EP400: variants seen among roughly 807,000 people sequenced by gnomAD.
The protein encoded by EP400 is E1A-binding protein p400.
Under a neutral mutation model 354.1 loss-of-function variants are expected in EP400, and 105 were observed. That is an observed-to-expected ratio of 0.30 (90% CI 0.25 to 0.35). EP400 has a LOEUF of 0.35. Among genes scored for constraint, EP400 ranks in the 10% least tolerant of loss-of-function variants. The pLI, the probability that EP400 is intolerant of heterozygous loss-of-function variation, is 1.00. For missense variants in EP400, 3,280 were observed against 4,121.0 expected (o/e 0.80, Z 5.59); for synonymous variants, 1,646 against 1,716.9 (o/e 0.96, Z 1.02).
Position 132,078,324 on chromosome 12 carries a change from TC to T in EP400, c.*652del, listed in dbSNP as rs1896298526. On this transcript the variant is annotated 3_prime_UTR_variant, in exon 53 of 53. Coordinates refer to ENST00000389561, the MANE Select transcript of EP400 (RefSeq NM_015409.5). ...CCTGGCCTGTGTTCAAGGGAAATGA[TC>T]AGTCATTGCATTGTTATTCCAAAGA... 1 of 152,520 alleles carries T rather than the reference TC, an allele frequency of 6.6e-6. No individual in the cohort carries two copies. Among genetic ancestry groups the T allele is most frequent in the African/African-American group, 2.4e-5 (1 of 41,456 alleles). 9.4% of individuals were successfully genotyped at this position (152,520 alleles called of 1,614,324 possible).
chr12:132,006,343 A>G, intron 14 of EP400, 41 bp downstream of exon 14: 1 of 1,599,314 alleles, frequency 6.3e-7, no homozygotes, highest in Non-Finnish European at 8.5e-7. Context: ...GGCCTTTGAG[A>G]GACAGAGCAC....
intron 1 of EP400, among the ~76,000 whole-genome samples, chr12:131,954,482 T>A (rs968984809): frequency 2.6e-5 from 4 of 152,030 alleles, no homozygotes; most frequent in Non-Finnish European, 5.9e-5. Context: ...CCCAGCACTT[T>A]GGGAGGTCGA....
In EP400 at chr12:132,062,709, T is replaced by C; in HGVS notation, c.8334+8T>C. 6.2e-7 allele frequency: 1 copy of C among 1,613,050 alleles called. No homozygotes were observed. On this transcript the variant is annotated splice_region_variant and intron_variant, in intron 47 of 52. Coordinates refer to ENST00000389561, the MANE Select transcript of EP400 (RefSeq NM_015409.5). Reference sequence around the variant, plus strand: ...GTGGGCAAGCTGACGCCGGTGAGCATTTCCCAGAGGACCATGAACGTGTGC... The same window carrying C: ...GTGGGCAAGCTGACGCCGGTGAGCACTTCCCAGAGGACCATGAACGTGTGC...
intron 21 of EP400, among the ~76,000 whole-genome samples, 190 bp from the exon 22 acceptor site, chr12:132,019,859 C>T (rs753701403): frequency 1.3e-5 from 2 of 152,160 alleles, no homozygotes; most frequent in Non-Finnish European, 2.9e-5. Context: ...CCACTGCGCC[C>T]GGGCCCGGGG....
intron 32 of EP400, among the ~76,000 whole-genome samples, chr12:132,040,119 T>C (rs569203716): frequency 6.7e-4 from 102 of 152,234 alleles, no homozygotes; most frequent in African/African-American, 1.6e-3. Context: ...GACGAAATAA[T>C]GTCCAGCATC....
At position 131,960,728 on chromosome 12, in the gene EP400, T is replaced by TCC; in HGVS notation, c.113_114dup (p.Ala39ProfsTer24). The TCC allele has an allele frequency of 4.3e-6, 1 of 231,478 alleles. No individual in the cohort carries two copies. Among genetic ancestry groups the TCC allele is most frequent in the South Asian group, 6.0e-5 (1 of 16,672 alleles). The allele number at this position is 231,478 out of a possible 1,614,324, so 14.3% of individuals were successfully genotyped here. A position where few individuals can be genotyped will look rare whatever the true frequency, so the allele number is the denominator to read the frequency against. Reference sequence around the variant, plus strand: ...GCCGGCCCACCCCAACCCACCCCCGTCCCCCGCAGCTCCCTTCGCTCCCTC... The same window carrying TCC: ...GCCGGCCCACCCCAACCCACCCCCGTCCCCCCCGCAGCTCCCTTCGCTCCCTC... On this transcript the variant is annotated frameshift_variant, in exon 2 of 53. Transcript: ENST00000389561. LOFTEE classifies it high-confidence loss of function.
At position 131,980,256 on chromosome 12, in the gene EP400, A is replaced by T. The variant is rs574467802; in HGVS notation, c.1435+463A>T. Among the ~76,000 whole-genome samples, 4 of 152,272 alleles carry T rather than the reference A, an allele frequency of 2.6e-5. No individual in the cohort carries two copies. In the East Asian group the frequency reaches 7.7e-4, roughly 29 times the overall value. On this transcript the variant is annotated intron_variant, in intron 3 of 52. Transcript: ENST00000389561. ...GTTAATGTTTCCCATATTCTCTCTCACAGACCTTCCTCTCTTCATACACAA... is the reference window on the plus strand; with the variant it reads ...GTTAATGTTTCCCATATTCTCTCTCTCAGACCTTCCTCTCTTCATACACAA...
intron 19 of EP400, among the ~76,000 whole-genome samples, chr12:132,016,426 T>A (rs1893936572): frequency 6.6e-6 from 1 of 152,162 alleles, no homozygotes; most frequent in Non-Finnish European, 1.5e-5. Context: ...TGGAGTGCAG[T>A]GGCACGATCT....
intron 2 of EP400, among the ~76,000 whole-genome samples, chr12:131,971,046 T>A (rs1236200036): frequency 1.3e-5 from 2 of 152,076 alleles, no homozygotes; most frequent in African/African-American, 4.8e-5. Flanking sequence ...ACAAAAAAAT[T>A]AAAAAATTAG....
chr12:132,022,448 TACTA>T (rs552259154), intron 23 of EP400, among the ~76,000 whole-genome samples: 68 of 152,380 alleles, frequency 4.5e-4, no homozygotes, highest in African/African-American at 1.4e-3. Context: ...TCTAGCCTCT[TACTA>T]ACTATTCTTT....
At chr12:132,028,873 C>G (rs1894392738) in intron 27 of EP400, 1 of 154,100 alleles carries the variant, frequency 6.5e-6, no homozygotes, top group African/African-American at 2.4e-5. Flanking sequence ...TCTCAGTTGT[C>G]TCCTGTCTGC....
intron 29 of EP400, 31 bp from the exon 30 acceptor site, chr12:132,031,922 A>G: frequency 6.4e-7 from 1 of 1,571,064 alleles, no homozygotes; most frequent in Non-Finnish European, 8.7e-7. Flanking sequence ...TTTTCCAAGA[A>G]TACTAACTCC....
At chr12:132,026,094 G>T (rs1894294876) in intron 25 of EP400, among the ~76,000 whole-genome samples, 2 of 152,196 alleles carry the variant, frequency 1.3e-5, no homozygotes, top group Admixed American at 6.5e-5. Flanking sequence ...TTGCTTGTTT[G>T]TATATCGCCA....
intron 32 of EP400, among the ~76,000 whole-genome samples, chr12:132,041,380 C>T (rs568379364): frequency 6.6e-6 from 1 of 152,242 alleles, no homozygotes; most frequent in Non-Finnish European, 1.5e-5. Flanking sequence ...GAGGAGGATG[C>T]GGCGGGCTCC....
chr12:131,993,834 T>C (rs930643430), intron 11 of EP400, among the ~76,000 whole-genome samples: 1 of 152,252 alleles, frequency 6.6e-6, no homozygotes, highest in African/African-American at 2.4e-5. Flanking sequence ...TCCCATTGCA[T>C]ATGCGGTCCA....
chr12:132,077,690 G>T lies in EP400; in HGVS notation c.*17G>T. 1 of 1,570,008 alleles carries T rather than the reference G, an allele frequency of 6.4e-7. No individual in the cohort carries two copies. Among genetic ancestry groups the T allele is most frequent in the Non-Finnish European group, 8.6e-7 (1 of 1,159,622 alleles). On this transcript the variant is annotated 3_prime_UTR_variant, in exon 53 of 53. Coordinates refer to ENST00000389561, the MANE Select transcript of EP400 (RefSeq NM_015409.5). ...TGCCAGTAGTCAGGGCAGCAGGGCTGCCTCTCATCTAAAGCAAAACTACCT... is the reference window on the plus strand; with the variant it reads ...TGCCAGTAGTCAGGGCAGCAGGGCTTCCTCTCATCTAAAGCAAAACTACCT...
intron 2 of EP400, among the ~76,000 whole-genome samples, chr12:131,964,293 G>A (rs556137130): frequency 2.0e-5 from 3 of 152,170 alleles, no homozygotes; most frequent in South Asian, 2.1e-4. Flanking sequence ...AGGGTGAAAT[G>A]CTGTCCCTAC....
chr12:132,032,144 A>G lies in EP400; in HGVS notation c.5946A>G (p.Ile1982Met). The G allele has an allele frequency of 1.9e-6, 3 of 1,612,786 alleles. No individual in the cohort carries two copies. Among genetic ancestry groups the G allele is most frequent in the Non-Finnish European group, 2.5e-6 (3 of 1,179,162 alleles). The stretch of plus-strand genomic sequence containing the variant: ...TCGGGAGATGCAAAGACATCCACAT[A>G]TACAGGTGAGGGCCTGCGGGGGATA... ...DRIGRCKDIH[I>M]YRLVSGNSIE... Residue 1982 changes from isoleucine to methionine, a missense_variant, in exon 30 of 53, where the codon ATA becomes ATG. By Grantham distance (10) the Ile-to-Met change is conservative (BLOSUM62 1). Coordinates refer to ENST00000389561, the MANE Select transcript of EP400 (RefSeq NM_015409.5).
intron 23 of EP400, among the ~76,000 whole-genome samples, chr12:132,022,498 C>T (rs548950621): frequency 3.9e-4 from 60 of 152,128 alleles, no homozygotes; most frequent in Middle Eastern, 3.2e-3. Flanking sequence ...ATGGATTTCT[C>T]GGGAAGAACA....
Sources: allele counts gnomAD v4.1 joint callset (sites outside exome capture counted in the v4.1 genomes callset), GRCh38; gene constraint gnomAD v4.1.1; transcripts MANE v1.5; gene names NCBI Gene and HGNC (gene_info 2026-07-23, HGNC 2026-07-21).